The following IQCJ variants were observed in gnomAD, a reference collection of about 807,000 sequenced individuals.
The protein encoded by IQCJ is IQ motif containing J.
Under a neutral mutation model 11.0 loss-of-function variants are expected in IQCJ, and 9 were observed. That is an observed-to-expected ratio of 0.82 (90% CI 0.49 to 1.43). The LOEUF (loss-of-function observed/expected upper bound fraction) is 1.43, where lower values mean the gene tolerates loss of function less well. Among genes scored for constraint, IQCJ ranks in the 40% most tolerant of loss-of-function variants. The pLI is 0.00. For synonymous variants in IQCJ, 55 were observed against 51.3 expected (o/e 1.07, Z -0.31); for missense variants, 146 against 133.2 (o/e 1.10, Z -0.47).
chr3:159,139,647 C>A (rs1720489188), intron 1 of IQCJ, among the ~76,000 whole-genome samples: 2 of 152,196 alleles, frequency 1.3e-5, no homozygotes, highest in Non-Finnish European at 2.9e-5. Context: ...GAGAAATGCC[C>A]TGTGGGCTTG....
chr3:159,239,249 T>C (rs532032560), intron 1 of IQCJ, among the ~76,000 whole-genome samples: 103 of 152,274 alleles, frequency 6.8e-4, no homozygotes, highest in Non-Finnish European at 1.5e-3. Context: ...ATCCTCCAAA[T>C]TGTCAGCAGA....
chr3:159,143,378 C>T (rs903003708), intron 1 of IQCJ, among the ~76,000 whole-genome samples: 2 of 152,188 alleles, frequency 1.3e-5, no homozygotes, highest in Non-Finnish European at 2.9e-5. Context: ...TTCCTTACCC[C>T]ACTACCCTAG....
In IQCJ at chr3:159,237,289, TA is replaced by T. The variant is rs1726649092; in HGVS notation, c.10-8548del. 4.6e-5 allele frequency among the ~76,000 whole-genome samples: 7 copies of T among 152,108 alleles called. 1 individual carries two copies. The South Asian group carries it at 1.5e-3, about 32-fold the overall frequency. ...GTCGAGATTGAAAAAGGAGGAAAAA[TA>T]AAAAACAAACCAGAACAGTGTTTTA... On this transcript the variant is annotated intron_variant, in intron 1 of 3. Transcript: ENST00000397832.
At chr3:159,232,990 C>T (rs1049523747) in intron 1 of IQCJ, among the ~76,000 whole-genome samples, 2 of 152,196 alleles carry the variant, frequency 1.3e-5, no homozygotes, top group African/African-American at 4.8e-5. Flanking sequence ...ATATAATGCT[C>T]TCCTAGAGAC....
intron 1 of IQCJ, among the ~76,000 whole-genome samples, chr3:159,117,750 C>T (rs1719114418): frequency 1.3e-5 from 2 of 152,156 alleles, no homozygotes; most frequent in African/African-American, 4.8e-5. Flanking sequence ...AGACACAGTG[C>T]TGAATAGTAG....
chr3:159,171,292 G>A (rs1722474654), intron 1 of IQCJ, among the ~76,000 whole-genome samples: 1 of 152,214 alleles, frequency 6.6e-6, no homozygotes, highest in African/African-American at 2.4e-5. Context: ...GTACATGAAT[G>A]TAGGAGTATA....
At chr3:159,179,755 TTACTC>T (rs1292817288) in intron 1 of IQCJ, among the ~76,000 whole-genome samples, 2 of 152,206 alleles carry the variant, frequency 1.3e-5, no homozygotes, top group Non-Finnish European at 2.9e-5. Flanking sequence ...ATTATTTTCT[TTACTC>T]CACAACAACC....
chr3:159,157,161 G>C (rs963148490), intron 1 of IQCJ, among the ~76,000 whole-genome samples: 1 of 152,188 alleles, frequency 6.6e-6, no homozygotes, highest in Non-Finnish European at 1.5e-5. Context: ...AGGAGGAGGA[G>C]ACTGAGAAGA....
At chr3:159,200,282 G>T (rs577877964) in intron 1 of IQCJ, among the ~76,000 whole-genome samples, 1 of 151,914 alleles carries the variant, frequency 6.6e-6, no homozygotes, top group South Asian at 2.1e-4. Flanking sequence ...TAAGAGGCCT[G>T]TTTCCCTGTT....
At chr3:159,070,639 GA>G (rs1328541430) in intron 1 of IQCJ, among the ~76,000 whole-genome samples, 3 of 151,980 alleles carry the variant, frequency 2.0e-5, no homozygotes, top group Non-Finnish European at 2.9e-5. Context: ...CTCTTTTTGA[GA>G]TCAATATTAA....
Position 159,245,916 on chromosome 3 carries a change from A to G in IQCJ, c.74+9A>G, listed in dbSNP as rs924210518. 5 of 1,525,956 alleles carry G rather than the reference A, an allele frequency of 3.3e-6. No individual in the cohort carries two copies. The highest frequency in any genetic ancestry group is 4.0e-5 in the Admixed American group (2 of 50,384). 94.5% of individuals were successfully genotyped at this position (1,525,956 alleles called of 1,614,324 possible). A position where few individuals can be genotyped will look rare whatever the true frequency, so the allele number is the denominator to read the frequency against. ...AAATATTCATTTGAAAAGTAAGTAAAAAGTATTAAGTTAAATCATCTGCAA... is the reference window on the plus strand; with the variant it reads ...AAATATTCATTTGAAAAGTAAGTAAGAAGTATTAAGTTAAATCATCTGCAA... On this transcript the variant is annotated intron_variant, in intron 2 of 3. Transcript: ENST00000397832.
At chr3:159,072,357 G>T (rs1246406098) in intron 1 of IQCJ, among the ~76,000 whole-genome samples, 1 of 151,900 alleles carries the variant, frequency 6.6e-6, no homozygotes, top group African/African-American at 2.4e-5. Context: ...TTGATAAAAA[G>T]GAGAGTAATA....
intron 3 of IQCJ, among the ~76,000 whole-genome samples, chr3:159,256,757 G>A (rs1370410903): frequency 6.6e-6 from 1 of 152,040 alleles, no homozygotes; most frequent in East Asian, 1.9e-4. Context: ...ATGTCCACTT[G>A]GGCTAATAAA....
intron 1 of IQCJ, among the ~76,000 whole-genome samples, chr3:159,181,314 T>G (rs572446477): frequency 6.6e-6 from 1 of 150,940 alleles, no homozygotes; most frequent in Non-Finnish European, 1.5e-5. Flanking sequence ...TTAAGCACTA[T>G]GCTCCTTAGT....
At chr3:159,116,373 C>A (rs1325788716) in intron 1 of IQCJ, among the ~76,000 whole-genome samples, 1 of 152,048 alleles carries the variant, frequency 6.6e-6, no homozygotes, top group Non-Finnish European at 1.5e-5. Context: ...TCTTTGTTCA[C>A]TTTCTCCAAC....
intron 1 of IQCJ, among the ~76,000 whole-genome samples, chr3:159,113,326 A>T (rs917302611): frequency 7.2e-5 from 11 of 152,214 alleles, no homozygotes; most frequent in African/African-American, 2.7e-4. Flanking sequence ...CAAGAGGATG[A>T]TAGATGTGAC....
intron 1 of IQCJ, among the ~76,000 whole-genome samples, chr3:159,167,274 G>A (rs1438466515): frequency 1.3e-5 from 2 of 152,074 alleles, no homozygotes; most frequent in Non-Finnish European, 2.9e-5. Flanking sequence ...CCTCCCTATA[G>A]CAACACTATT....
chr3:159,143,083 T>C (rs1326986652), intron 1 of IQCJ, among the ~76,000 whole-genome samples: 1 of 152,206 alleles, frequency 6.6e-6, no homozygotes, highest in Non-Finnish European at 1.5e-5. Flanking sequence ...GTGTGTACAG[T>C]CATATCCGTA....
intron 1 of IQCJ, among the ~76,000 whole-genome samples, chr3:159,223,397 T>C (rs1248826349): frequency 6.6e-6 from 1 of 152,160 alleles, no homozygotes; most frequent in Non-Finnish European, 1.5e-5. Flanking sequence ...ATGTGACTTT[T>C]TATTGATCAT....
Sources: allele counts gnomAD v4.1 joint callset (sites outside exome capture counted in the v4.1 genomes callset), GRCh38; gene constraint gnomAD v4.1.1; transcripts MANE v1.5; gene names NCBI Gene and HGNC (gene_info 2026-07-23, HGNC 2026-07-21).